MUCL1: variants seen among roughly 807,000 people sequenced by gnomAD.
MUCL1 encodes mucin-like protein 1.
Under a neutral mutation model 9.2 loss-of-function variants are expected in MUCL1, and 11 were observed. That is an observed-to-expected ratio of 1.19 (90% CI 0.75 to 1.97). The LOEUF is 1.97. MUCL1 is among the 30% of genes most tolerant of loss of function. MUCL1 has a pLI of 0.00. For missense variants in MUCL1, 144 were observed against 110.9 expected (o/e 1.30, Z -1.34); for synonymous variants, 48 against 40.5 (o/e 1.19, Z -0.71).
At chr12:54,838,431 C>A (rs1383736197), upstream of MUCL1, among the ~76,000 whole-genome samples, 1 of 152,106 alleles carries the variant, frequency 6.6e-6, no homozygotes, top group Admixed American at 6.5e-5. Flanking sequence ...TGTCATGAAT[C>A]CCACAGGTGT....
chr12:54,844,414 T>C (rs1959231680), intron 1 of MUCL1, among the ~76,000 whole-genome samples: 1 of 152,180 alleles, frequency 6.6e-6, no homozygotes, highest in South Asian at 2.1e-4. Context: ...GGATGAACCA[T>C]GACACACATT....
At chr12:54,837,619 A>T (rs1959195209), upstream of MUCL1, among the ~76,000 whole-genome samples, 1 of 152,092 alleles carries the variant, frequency 6.6e-6, no homozygotes, top group South Asian at 2.1e-4. Context: ...AATACAAAAA[A>T]TTAGCCGGGC....
chr12:54,839,315 C>G (rs1377026099), upstream of MUCL1: 4 of 696,460 alleles, frequency 5.7e-6, no homozygotes, highest in African/African-American at 1.8e-5. Flanking sequence ...AAGCTTATCT[C>G]ATTCTCCAGT....
At position 54,832,415 on chromosome 12, in the gene MUCL1, C is replaced by T. The variant is rs576500772; in HGVS notation, n.357+1540C>T. ...GTTTTGTGTCTTTTCTGAATAATTT[C>T]CTCTGTTTTATGTTGTCTTTATCAT... On this transcript the variant is annotated intron_variant and non_coding_transcript_variant, in intron 1 of 3. Transcript: ENST00000547990. Among the ~76,000 whole-genome samples the T allele has an allele frequency of 8.5e-5, 13 of 152,112 alleles. No individual in the cohort carries two copies. The East Asian group carries it at 9.6e-4, about 11-fold the overall frequency.
At chr12:54,847,088 AG>A (rs138877093) in intron 1 of MUCL1, among the ~76,000 whole-genome samples, 2,366 of 152,204 alleles carry the variant, frequency 0.016, 39 homozygotes, top group Non-Finnish European at 0.022. Flanking sequence ...CTTTATGAAA[AG>A]CCATCCATTT....
At chr12:54,853,661 G>C (rs1868272562), upstream of MUCL1, among the ~76,000 whole-genome samples, 1 of 151,784 alleles carries the variant, frequency 6.6e-6, no homozygotes, top group Admixed American at 6.6e-5. Flanking sequence ...CTTCTTTCCT[G>C]CCTTCTTTTT....
upstream of MUCL1, among the ~76,000 whole-genome samples, chr12:54,851,464 C>T (rs1024304913): frequency 1.3e-5 from 2 of 152,142 alleles, no homozygotes; most frequent in African/African-American, 4.8e-5. Context: ...AACAACCCTT[C>T]GTGCTAAAAA....
chr12:54,850,357 T>C (rs934620761), upstream of MUCL1, among the ~76,000 whole-genome samples: 40 of 142,542 alleles, frequency 2.8e-4, no homozygotes, highest in African/African-American at 1.0e-3. Context: ...CCCCTTCCTG[T>C]GTCCACGTGT....
intron 3 of MUCL1, 74 bp downstream of exon 3, chr12:54,856,966 G>A: frequency 1.9e-6 from 3 of 1,600,190 alleles, no homozygotes; most frequent in South Asian, 1.1e-5. Context: ...TTCTCACAGA[G>A]ACTCTATTTT....
intron 2 of MUCL1, chr12:54,855,459 T>C (rs1868292156): frequency 3.2e-6 from 1 of 311,296 alleles, no homozygotes; most frequent in Admixed American, 4.3e-5. Flanking sequence ...GCCTGAGAAT[T>C]TTTGAGAGAT....
Position 54,858,270 on chromosome 12 carries a change from T to C in MUCL1, c.*28T>C, listed in dbSNP as rs200845354. On this transcript the variant is annotated 3_prime_UTR_variant, in exon 4 of 4. Coordinates refer to ENST00000308796, the MANE Select transcript of MUCL1 (RefSeq NM_058173.3). ...TGGAATCAGCTTGAGTCTTCTGCAA[T>C]TGGTCACAACTATTCATGCTTCCTG... The C allele has an allele frequency of 1.5e-5, 25 of 1,613,028 alleles. No homozygotes were observed. In the African/African-American group the frequency reaches 2.7e-4, roughly 17 times the overall value.
chr12:54,833,581 A>G (rs1254940868), intron 1 of MUCL1, among the ~76,000 whole-genome samples: 3 of 152,078 alleles, frequency 2.0e-5, no homozygotes, highest in Non-Finnish European at 4.4e-5. Flanking sequence ...CTTTTCCCCA[A>G]TGGTTATATT....
chr12:54,853,059 T>A (rs979523), upstream of MUCL1, among the ~76,000 whole-genome samples: 68,349 of 151,688 alleles, frequency 0.45, 16,372 homozygotes, highest in East Asian at 0.84. Context: ...GATGGGGACC[T>A]CTTAGCATGT....
upstream of MUCL1, among the ~76,000 whole-genome samples, chr12:54,854,125 G>C (rs978188494): frequency 3.3e-5 from 5 of 152,130 alleles, no homozygotes; most frequent in South Asian, 2.1e-4. Flanking sequence ...ATTCCCCTAG[G>C]GGGAGACAGA....
At chr12:54,832,690 G>A (rs576430945) in intron 1 of MUCL1, among the ~76,000 whole-genome samples, 31 of 152,052 alleles carry the variant, frequency 2.0e-4, no homozygotes, top group Middle Eastern at 3.4e-3. Context: ...CATCACAGAC[G>A]GCCCCTGGAA....
In MUCL1 at chr12:54,854,597, A is replaced by G. The variant is rs1453191001; in HGVS notation, c.15A>G (p.Ala5=). The G allele has an allele frequency of 6.2e-7, 1 of 1,613,302 alleles. No individual in the cohort carries two copies. The highest frequency in any genetic ancestry group is 1.7e-5 in the Admixed American group (1 of 59,902). MKFL[A]VLVLLGVSIF... ...AGGTCACCACCATGAAGTTCTTAGC[A>G]GTCCTGGTACTCTTGGGAGTTTCCA... is the stretch of plus-strand genomic sequence containing the variant. The change falls in exon 1 of 4, where the codon GCA becomes GCG. Residue 5 remains alanine, a synonymous_variant. Coordinates refer to ENST00000308796, the MANE Select transcript of MUCL1 (RefSeq NM_058173.3).
At chr12:54,830,740 C>G (rs925650087) in exon 1 of MUCL1, 2 of 152,192 alleles carry the variant, frequency 1.3e-5, no homozygotes, top group African/African-American at 4.8e-5. Context: ...GTCACTTGAA[C>G]TATAGACCCC....
chr12:54,840,720 G>T (rs531002220), intron 1 of MUCL1, among the ~76,000 whole-genome samples: 58 of 152,334 alleles, frequency 3.8e-4, no homozygotes, highest in African/African-American at 1.3e-3. Flanking sequence ...TTGGAGGGCA[G>T]TTCTCTGGCT....
At chr12:54,837,241 G>A (rs1263003064), upstream of MUCL1, among the ~76,000 whole-genome samples, 1 of 152,074 alleles carries the variant, frequency 6.6e-6, no homozygotes, top group African/African-American at 2.4e-5. Context: ...AGTAGTAATT[G>A]TTTTATGAAT....
Sources: allele counts gnomAD v4.1 joint callset (sites outside exome capture counted in the v4.1 genomes callset), GRCh38; gene constraint gnomAD v4.1.1; transcripts MANE v1.5; gene names NCBI Gene and HGNC (gene_info 2026-07-23, HGNC 2026-07-21).